Variants in MLH3 observed in about 807,000 individuals in gnomAD.
MLH3 encodes mutL homolog 3.
A neutral mutation model predicts 122.2 loss-of-function variants in MLH3; 82 were observed. That is an observed-to-expected ratio of 0.67 (90% confidence interval 0.56 to 0.81). The LOEUF is 0.81. Ranked by LOEUF, MLH3 falls within the 30% of genes least tolerant of loss-of-function variation. The pLI is 0.00. For synonymous variants in MLH3, 524 were observed against 599.5 expected (o/e 0.87, Z 1.84); for missense variants, 1,539 against 1,714.5 (o/e 0.90, Z 1.81).
chr14:75,047,795 T>A lies in MLH3; in HGVS notation c.1861A>T (p.Thr621Ser). The A allele has an allele frequency of 6.2e-7, 1 of 1,614,046 alleles. No individual in the cohort carries two copies. The highest frequency in any genetic ancestry group is 8.5e-7 in the Non-Finnish European group (1 of 1,179,964). ...TTTTTAAATGAATGTTCTGTTTCAG[T>A]TGATTTAGTTTTTTCATTTTGTACT... ...HVVQNEKTKSTETEHSFKNYV... is the reference protein window; with the variant it reads ...HVVQNEKTKSSETEHSFKNYV... The change falls in exon 2 of 13, where the codon ACT becomes TCT. Residue 621 changes from threonine to serine, a missense_variant. Thr to Ser is a moderately conservative substitution (Grantham distance 58, BLOSUM62 1). Coordinates refer to ENST00000355774, the MANE Select transcript of MLH3 (RefSeq NM_001040108.2).
chr14:75,050,545 G>A (rs889044866), intron 1 of MLH3, among the ~76,000 whole-genome samples: 1 of 152,006 alleles, frequency 6.6e-6, no homozygotes, highest in African/African-American at 2.4e-5. Flanking sequence ...GATTACAGGC[G>A]CTCGCCACCA....
intron 5 of MLH3, among the ~76,000 whole-genome samples, chr14:75,039,706 G>A (rs1281386853): frequency 6.6e-6 from 1 of 151,128 alleles, no homozygotes; most frequent in African/African-American, 2.4e-5. Flanking sequence ...TTCTTTCTTT[G>A]TAATTATAAT....
rs1479018153 is a variant in MLH3 at position 75,049,563 on chromosome 14, GA to G, written c.92del (p.Leu31ProfsTer15). 6.2e-7 allele frequency: 1 copy of G among 1,614,156 alleles called. No homozygotes were observed. The highest frequency in any genetic ancestry group is 1.7e-5 in the Admixed American group (1 of 60,020). ...SLGQCVEELA[L>X]NSIDAEAKCV... ...ATTTTGCTTCAGCATCAATACTGTT[GA>G]GGGCAAGTTCCTCAACACATTGGCC... On this transcript the variant is annotated frameshift_variant, in exon 2 of 13. Transcript: ENST00000355774. LOFTEE classifies it high-confidence loss of function.
At chr14:75,034,939 T>G (rs1478265788) in intron 6 of MLH3, among the ~76,000 whole-genome samples, 1 of 151,612 alleles carries the variant, frequency 6.6e-6, no homozygotes, top group Non-Finnish European at 1.5e-5. Context: ...GGCAGGTGCC[T>G]GTAGTCCCAG....
In MLH3 at chr14:75,047,719, G is replaced by C. The variant is rs1359486041; in HGVS notation, c.1937C>G (p.Thr646Arg). ...GTCTGGAGTTTCAACTGAATGACGT[G>C]TTCTATTTCCAAATGTTTCTTGGGC... ...TRAQETFGNR[T>R]RHSVETPDIK... The change falls in exon 2 of 13, where the codon ACA becomes AGA. Residue 646 changes from threonine (T) to arginine (R), a missense_variant. By Grantham distance (71) the Thr-to-Arg change is moderately conservative (BLOSUM62 -1). Coordinates refer to ENST00000355774, the MANE Select transcript of MLH3 (RefSeq NM_001040108.2). 6.2e-7 allele frequency: 1 copy of C among 1,614,076 alleles called. No individual in the cohort carries two copies. The highest frequency in any genetic ancestry group is 1.7e-5 in the Admixed American group (1 of 60,026).
chr14:75,035,459 T>C (rs539462647), intron 6 of MLH3, among the ~76,000 whole-genome samples: 53 of 151,464 alleles, frequency 3.5e-4, no homozygotes, highest in African/African-American at 1.2e-3. Flanking sequence ...GAGGCGGAGG[T>C]TGCAGTGAGC....
intron 12 of MLH3, among the ~76,000 whole-genome samples, chr14:75,018,281 A>T (rs1472215252): frequency 6.6e-6 from 1 of 152,210 alleles, no homozygotes; most frequent in Non-Finnish European, 1.5e-5. Flanking sequence ...CCTTTTCTGC[A>T]TTATCCACAT....
At chr14:75,026,992 T>G (rs1890667301) in intron 9 of MLH3, among the ~76,000 whole-genome samples, 1 of 151,830 alleles carries the variant, frequency 6.6e-6, no homozygotes, top group Non-Finnish European at 1.5e-5. Context: ...CCAGCTACTT[T>G]GTAGGCTTAG....
intron 6 of MLH3, among the ~76,000 whole-genome samples, chr14:75,034,409 G>A (rs755998987): frequency 6.6e-6 from 1 of 152,122 alleles, no homozygotes; most frequent in Admixed American, 6.6e-5. Context: ...ACAAGCCGGA[G>A]AACGTTTTCT....
At chr14:75,033,664 G>A (rs1891200092) in intron 6 of MLH3, among the ~76,000 whole-genome samples, 174 bp from the exon 7 acceptor site, 1 of 152,140 alleles carries the variant, frequency 6.6e-6, no homozygotes, top group Admixed American at 6.6e-5. Context: ...TGGGGAAAAT[G>A]ATAGCAAACT....
intron 2 of MLH3, among the ~76,000 whole-genome samples, chr14:75,044,662 C>T (rs1177517197): frequency 6.6e-6 from 1 of 152,126 alleles, no homozygotes; most frequent in African/African-American, 2.4e-5. Flanking sequence ...CTATGAAATA[C>T]TACTGAAGTT....
chr14:75,038,439 A>C, intron 5 of MLH3, 27 bp from the exon 6 acceptor site: 1 of 1,406,438 alleles, frequency 7.1e-7, no homozygotes, highest in South Asian at 1.2e-5. Flanking sequence ...TAAGTGGTAC[A>C]ACACTAAATA....
Position 75,016,168 on chromosome 14 carries a change from G to A in MLH3, c.*914C>T. The A allele has an allele frequency of 4.5e-6, 1 of 221,300 alleles. No individual in the cohort carries two copies. The highest frequency in any genetic ancestry group is 6.6e-5 in the East Asian group (1 of 15,102). 13.7% of individuals were successfully genotyped at this position (221,300 alleles called of 1,614,324 possible). ...GTGATATTATAAGGGCAATAGATAG[G>A]CATAATGTAATAACACCAAGATACC... On this transcript the variant is annotated 3_prime_UTR_variant, in exon 13 of 13. Transcript: ENST00000355774.
At chr14:75,027,007 G>C (rs1162594468) in intron 9 of MLH3, among the ~76,000 whole-genome samples, 1 of 152,008 alleles carries the variant, frequency 6.6e-6, no homozygotes, top group Non-Finnish European at 1.5e-5. Context: ...GCTTAGGCAG[G>C]AGAATCGCTT....
At chr14:75,041,770 T>C in intron 3 of MLH3, 70 bp from the exon 4 acceptor site, 1 of 1,108,398 alleles carries the variant, frequency 9.0e-7, no homozygotes. Flanking sequence ...GCATTTCCTG[T>C]TTGGTGAGCC....
chr14:75,039,432 TCAGA>T (rs1891656653), intron 5 of MLH3, among the ~76,000 whole-genome samples: 1 of 152,118 alleles, frequency 6.6e-6, no homozygotes, highest in African/African-American at 2.4e-5. Flanking sequence ...GAAAAGCAGA[TCAGA>T]CAAAGGGTCC....
At chr14:75,036,928 T>C (rs887757125) in intron 6 of MLH3, among the ~76,000 whole-genome samples, 6 of 152,156 alleles carry the variant, frequency 3.9e-5, no homozygotes, top group African/African-American at 9.7e-5. Flanking sequence ...AATCTACAGT[T>C]AACTGGGACT....
chr14:75,041,574 G>GA, intron 4 of MLH3, 41 bp downstream of exon 4: 2 of 1,459,030 alleles, frequency 1.4e-6, no homozygotes, highest in Non-Finnish European at 1.9e-6. Flanking sequence ...AGAAGAAGAA[G>GA]AAGAAAAAAA....
At position 75,047,572 on chromosome 14, in the gene MLH3, G is replaced by A; in HGVS notation, c.2084C>T (p.Ser695Phe). Residue 695 changes from serine (S) to phenylalanine (F), a missense_variant, in exon 2 of 13, where the codon TCT becomes TTT. Coordinates refer to ENST00000355774, the MANE Select transcript of MLH3 (RefSeq NM_001040108.2). ...TTTTTTGCTACCTTCCTGAAAAGCA[G>A]AAAACATTGTATAAGTTGCTGTAGG... ...NEPTATYTMF[S>F]AFQEGSKKSQ... 6.2e-7 allele frequency: 1 copy of A among 1,614,058 alleles called. No individual in the cohort carries two copies. Among genetic ancestry groups the A allele is most frequent in the Non-Finnish European group, 8.5e-7 (1 of 1,180,014 alleles).
Sources: gnomAD v4.1 joint callset for allele counts (sites outside exome capture counted in the v4.1 genomes callset) on GRCh38, gnomAD v4.1.1 for gene constraint, MANE v1.5 for transcripts, NCBI Gene and HGNC (gene_info 2026-07-23, HGNC 2026-07-21) for gene names.